ZPLD1: variants seen among roughly 807,000 people sequenced by gnomAD.
ZPLD1 encodes zona pellucida-like domain-containing protein 1.
ZPLD1 carries 34 observed loss-of-function variants against 47.2 expected under a neutral mutation model. The ratio of observed to expected loss-of-function variants is 0.72; its 90% CI spans 0.55 to 0.96. ZPLD1 has a LOEUF of 0.96. Among genes scored for constraint, ZPLD1 ranks in the 40% least tolerant of loss-of-function variants. The pLI is 0.00. For synonymous variants in ZPLD1, 176 were observed against 186.2 expected (o/e 0.95, Z 0.45); for missense variants, 512 against 505.8 (o/e 1.01, Z -0.12).
intron 10 of ZPLD1, among the ~76,000 whole-genome samples, chr3:102,472,730 A>G (rs1707703994): frequency 6.6e-6 from 1 of 152,204 alleles, no homozygotes; most frequent in African/African-American, 2.4e-5. Context: ...AGTTTGCTAT[A>G]AGAAAAGAAC....
chr3:102,453,133 C>T lies in ZPLD1; in HGVS notation c.321C>T (p.Asn107=), dbSNP rs756525116. Residue 107 remains asparagine, a synonymous_variant, in exon 4 of 12, where the codon AAC becomes AAT. Transcript: ENST00000466937. ...NLSTLEGCGN[N]LVVSTIPGVS... ...GCACCTTGGAGGGCTGTGGAAACAA[C>T]CTGGTGGTAAGATTAGTGTGACATT... 3 of 1,613,644 alleles carry T rather than the reference C, an allele frequency of 1.9e-6. No individual in the cohort carries two copies. The South Asian group carries it at 3.3e-5, about 18-fold the overall frequency.
intron 5 of ZPLD1, among the ~76,000 whole-genome samples, chr3:102,457,284 T>C (rs375582766): frequency 3.9e-5 from 6 of 152,290 alleles, no homozygotes; most frequent in Non-Finnish European, 8.8e-5. Context: ...CAAAACAATA[T>C]GGGTGTACAG....
chr3:102,417,285 G>A (rs1054250683), intron 7 of ZPLD1, among the ~76,000 whole-genome samples: 3 of 151,974 alleles, frequency 2.0e-5, no homozygotes, highest in African/African-American at 7.2e-5. Context: ...TTATCCCTAA[G>A]CACAGTAGTG....
chr3:102,462,311 C>T lies in ZPLD1; in HGVS notation c.613C>T (p.Pro205Ser), dbSNP rs1041661585. The part of the protein sequence containing the change: ...DSTYNQQLII[P>S]SIGLPLKTKV... ...AACCTACAACCAGCAGTTAATTATC[C>T]CCAGTATAGGATTACCTTTGAAAAC... is the stretch of plus-strand genomic sequence containing the variant. The change falls in exon 7 of 12, where the codon CCC becomes TCC. Residue 205 changes from proline to serine, a missense_variant. By Grantham distance (74) the Pro-to-Ser change is moderately conservative. Transcript: ENST00000466937. 1 of 1,609,940 alleles carries T rather than the reference C, an allele frequency of 6.2e-7. No individual in the cohort carries two copies. The highest frequency in any genetic ancestry group is 8.5e-7 in the Non-Finnish European group (1 of 1,177,984).
intron 3 of ZPLD1, among the ~76,000 whole-genome samples, chr3:102,441,285 A>T (rs919344211): frequency 1.3e-5 from 2 of 152,202 alleles, no homozygotes; most frequent in East Asian, 1.9e-4. Flanking sequence ...GTGAATTTTT[A>T]AAAAATCATG....
chr3:102,461,094 G>A (rs1369796361), intron 6 of ZPLD1, among the ~76,000 whole-genome samples: 1 of 151,950 alleles, frequency 6.6e-6, no homozygotes, highest in South Asian at 2.1e-4. Flanking sequence ...CAAAAATGAA[G>A]CATCCCAACT....
chr3:102,473,397 C>T (rs1181203006), intron 10 of ZPLD1, among the ~76,000 whole-genome samples: 1 of 152,118 alleles, frequency 6.6e-6, no homozygotes, highest in Non-Finnish European at 1.5e-5. Flanking sequence ...TATCACAATG[C>T]CTCTGATGTC....
Position 102,478,634 on chromosome 3 carries a change from G to C in ZPLD1, c.*1016G>C, listed in dbSNP as rs531302281. ...TCGATGCCAGGCAATAATCAGGAGA[G>C]GGTTTCTTTTTAAGGTATCTTCTTG... On this transcript the variant is annotated 3_prime_UTR_variant, in exon 12 of 12. Transcript: ENST00000466937. 2.0e-5 allele frequency: 3 copies of C among 152,272 alleles called. No individual in the cohort carries two copies. The highest frequency in any genetic ancestry group is 4.4e-5 in the Non-Finnish European group (3 of 68,010). 9.4% of individuals were successfully genotyped at this position (152,272 alleles called of 1,614,324 possible). A position where few individuals can be genotyped will look rare whatever the true frequency, so the allele number is the denominator to read the frequency against.
chr3:102,407,358 T>G (rs998881648), intron 7 of ZPLD1, among the ~76,000 whole-genome samples: 4 of 134,088 alleles, frequency 3.0e-5, no homozygotes, highest in African/African-American at 5.4e-5. Context: ...TTTAAAATTT[T>G]TATTTCAGGT....
At chr3:102,418,945 T>G (rs1197978506) in intron 8 of ZPLD1, among the ~76,000 whole-genome samples, 1 of 152,050 alleles carries the variant, frequency 6.6e-6, no homozygotes, top group African/African-American at 2.4e-5. Flanking sequence ...AATGGCTTCT[T>G]CTATTTTGCC....
At chr3:102,391,593 A>C (rs1198321132) in intron 6 of ZPLD1, among the ~76,000 whole-genome samples, 5 of 152,104 alleles carry the variant, frequency 3.3e-5, no homozygotes, top group Non-Finnish European at 5.9e-5. Context: ...TGGAGGAGCC[A>C]CTGGGAAGGA....
intron 8 of ZPLD1, among the ~76,000 whole-genome samples, chr3:102,421,259 A>C (rs1423539503): frequency 3.3e-5 from 5 of 151,910 alleles, no homozygotes; most frequent in African/African-American, 1.2e-4. Context: ...CAGAATATAA[A>C]TCTTGTTTAT....
At chr3:102,456,522 T>C in intron 5 of ZPLD1, 148 bp downstream of exon 5, 1 of 670,680 alleles carries the variant, frequency 1.5e-6, no homozygotes, top group South Asian at 1.9e-5. Flanking sequence ...TCTAATATAT[T>C]TACCTCTATC....
At chr3:102,473,651 G>C (rs75647194) in intron 10 of ZPLD1, among the ~76,000 whole-genome samples, 3,863 of 152,170 alleles carry the variant, frequency 0.025, 155 homozygotes, top group African/African-American at 0.087. Context: ...TGGTCTCACT[G>C]CCTAAAGGAA....
intron 7 of ZPLD1, among the ~76,000 whole-genome samples, chr3:102,398,344 G>A (rs774530229): frequency 6.6e-5 from 10 of 151,996 alleles, no homozygotes; most frequent in Non-Finnish European, 1.2e-4. Context: ...GGGAATTAGC[G>A]TACTTAGATC....
intron 8 of ZPLD1, among the ~76,000 whole-genome samples, chr3:102,467,821 G>A (rs538639970): frequency 1.4e-5 from 2 of 139,956 alleles, no homozygotes; most frequent in Admixed American, 1.4e-4. Flanking sequence ...ATTTAACTAC[G>A]TAAGAATAAA....
intron 7 of ZPLD1, among the ~76,000 whole-genome samples, chr3:102,394,386 G>A (rs1041853895): frequency 1.3e-5 from 2 of 152,128 alleles, no homozygotes; most frequent in Admixed American, 1.3e-4. Context: ...ATACTGTTAA[G>A]TGTTATGCCT....
At chr3:102,442,143 G>A (rs188020940) in intron 3 of ZPLD1, among the ~76,000 whole-genome samples, 1 of 152,196 alleles carries the variant, frequency 6.6e-6, no homozygotes, top group East Asian at 1.9e-4. Context: ...CTAATTACAA[G>A]TTTTCTAAAG....
chr3:102,434,989 C>A, upstream of ZPLD1: 1 of 1,044,514 alleles, frequency 9.6e-7, no homozygotes, highest in Non-Finnish European at 1.4e-6. Context: ...GCCTGAGCAG[C>A]CAGGATGATA....
Sources: allele counts gnomAD v4.1 joint callset (sites outside exome capture counted in the v4.1 genomes callset), GRCh38; gene constraint gnomAD v4.1.1; transcripts MANE v1.5; gene names NCBI Gene and HGNC (gene_info 2026-07-23, HGNC 2026-07-21).